Variants in MAP3K12 observed in about 807,000 individuals in gnomAD.
MAP3K12 encodes mitogen-activated protein kinase kinase kinase 12, also known as MAPK-upstream kinase.
In MAP3K12, 14 loss-of-function variants were observed where a neutral mutation model predicts 87.5. That is an observed-to-expected ratio of 0.16 (90% CI 0.11 to 0.25). The LOEUF (loss-of-function observed/expected upper bound fraction) is 0.25. MAP3K12 is among the 10% of genes least tolerant of loss of function. The pLI is 1.00. For missense variants in MAP3K12, 802 were observed against 1,140.4 expected, an observed-to-expected ratio of 0.70 and a Z score of 4.27; for synonymous variants, 469 against 452.5, an observed-to-expected ratio of 1.04 and a Z score of -0.46.
intron 11 of MAP3K12, 61 bp from the exon 12 acceptor site, chr12:53,482,430 CAGG>C (rs1254428365): frequency 1.3e-5 from 21 of 1,608,254 alleles, no homozygotes; most frequent in Non-Finnish European, 1.2e-5. Flanking sequence ...ACTAAGAATC[CAGG>C]AGAAGGGAAC....
chr12:53,482,461 A>AGTAGG, intron 11 of MAP3K12, 92 bp from the exon 12 acceptor site: 1 of 1,607,246 alleles, frequency 6.2e-7, no homozygotes, highest in Non-Finnish European at 8.5e-7. Context: ...CGAAGGGTGA[A>AGTAGG]GTAGGGAATG....
chr12:53,501,291 C>G (rs1242961505), upstream of MAP3K12: 5 of 1,146,940 alleles, frequency 4.4e-6, no homozygotes, highest in East Asian at 2.6e-5. Flanking sequence ...CCAGCGTGCC[C>G]CGCGGCGGGC....
In MAP3K12 at chr12:53,489,139, C is replaced by A. The variant is rs569356405; in HGVS notation, c.-37-1711G>T. The stretch of plus-strand genomic sequence containing the variant: ...CCTGGGCAACATGGCAAAACCCTGT[C>A]TCTACCAAAAATAGAAACAAACAAA... On this transcript the variant is annotated intron_variant, in intron 1 of 13. Coordinates refer to ENST00000547488, the MANE Select transcript of MAP3K12 (RefSeq NM_001193511.2). 5.3e-5 allele frequency among the ~76,000 whole-genome samples: 8 copies of A among 150,846 alleles called. No homozygotes were observed. In the South Asian group the frequency reaches 1.7e-3, roughly 32 times the overall value.
chr12:53,501,531 C>T, upstream of MAP3K12: 1 of 1,546,250 alleles, frequency 6.5e-7, no homozygotes, highest in African/African-American at 1.4e-5. Flanking sequence ...AGCGGCGCGG[C>T]CCCAGCATGC....
intron 7 of MAP3K12, 84 bp downstream of exon 7, chr12:53,484,173 A>G: frequency 7.1e-7 from 1 of 1,410,034 alleles, no homozygotes; most frequent in Non-Finnish European, 1.0e-6. Flanking sequence ...GTCCCACTCA[A>G]CCCATTTCCC....
chr12:53,487,360 G>A lies in MAP3K12; in HGVS notation c.32C>T (p.Ser11Phe). ...AGACACAAAGCCCCCAAAGGAAGGAGAGGGTGTTCGGGTCTCATGGAGGCA... is the reference window on the plus strand; with the variant it reads ...AGACACAAAGCCCCCAAAGGAAGGAAAGGGTGTTCGGGTCTCATGGAGGCA... Reference protein sequence around the residue: MACLHETRTPSPSFGGFVSTL... With the variant: MACLHETRTPFPSFGGFVSTL... Residue 11 changes from serine to phenylalanine, a missense_variant, in exon 2 of 14, where the codon TCT becomes TTT. Transcript: ENST00000547488. The A allele has an allele frequency of 6.2e-7, 1 of 1,613,658 alleles. No individual in the cohort carries two copies. The highest frequency in any genetic ancestry group is 8.5e-7 in the Non-Finnish European group (1 of 1,179,700).
Position 53,481,240 on chromosome 12 carries a change from T to A in MAP3K12, c.2621A>T (p.Glu874Val). Residue 874 changes from glutamate to valine, a missense_variant, in exon 14 of 14, where the codon GAA (glutamate) becomes GTA (valine). Physicochemically the swap from Glu to Val is moderately radical, Grantham distance 121. Coordinates refer to ENST00000547488, the MANE Select transcript of MAP3K12 (RefSeq NM_001193511.2). ...ATCAACGCTGTTGGAGTTGTCCAAT[T>A]CAGTGCTGTCACAGTCTGAGTCCTC... ...NSEDSDCDST[E>V]LDNSNSVDAL... 1 of 1,567,346 alleles carries A rather than the reference T, an allele frequency of 6.4e-7. No individual in the cohort carries two copies. Among genetic ancestry groups the A allele is most frequent in the Non-Finnish European group, 8.6e-7 (1 of 1,156,714 alleles).
rs2137193980 is a variant in MAP3K12, at chr12:53,485,987, G to A, written c.821+69C>T. On this transcript the variant is annotated intron_variant, in intron 4 of 13. Coordinates refer to ENST00000547488, the MANE Select transcript of MAP3K12 (RefSeq NM_001193511.2). ...GACCTAGGGCATGGTTTGGAAGCCG[G>A]GAGAAGGCCACACTGACTTGAGTGG... 39 of 1,463,820 alleles carry A rather than the reference G, an allele frequency of 2.7e-5. 3 individuals are homozygous for A. In the South Asian group the frequency reaches 5.0e-4, roughly 19 times the overall value. The allele number at this position is 1,463,820 out of a possible 1,614,324, so 90.7% of individuals were successfully genotyped here. A position where few individuals can be genotyped will look rare whatever the true frequency, so the allele number is the denominator to read the frequency against.
chr12:53,482,089 G>A lies in MAP3K12; in HGVS notation c.2432C>T (p.Thr811Ile). 2 of 1,614,190 alleles carry A rather than the reference G, an allele frequency of 1.2e-6. No individual in the cohort carries two copies. The highest frequency in any genetic ancestry group is 2.2e-5 in the East Asian group (1 of 44,876). The change falls in exon 13 of 14, where the codon ACC becomes ATC. Residue 811 changes from threonine to isoleucine, a missense_variant. This residue lies in a region of MAP3K12 where 490 missense variants were observed against 496.6 expected (regional missense o/e 0.99). Coordinates refer to ENST00000547488, the MANE Select transcript of MAP3K12 (RefSeq NM_001193511.2). ...CTCATCTGGCCGCTCATCAGTGTTG[G>A]TGCTGCCAACTTCAGGTGTGCCACT... ...SPSGTPEVGSTNTDERPDERS... is the reference protein window; with the variant it reads ...SPSGTPEVGSINTDERPDERS...
intron 1 of MAP3K12, among the ~76,000 whole-genome samples, chr12:53,497,244 A>G (rs1199486657): frequency 2.0e-5 from 3 of 152,214 alleles, no homozygotes; most frequent in Admixed American, 1.3e-4. Flanking sequence ...GCTCTCTATA[A>G]GCATTAGCCA....
rs979832644 is a variant in MAP3K12 at position 53,495,496 on chromosome 12, G to A, written c.-38+3931C>T. 6.0e-5 allele frequency among the ~76,000 whole-genome samples: 8 copies of A among 133,436 alleles called. No individual in the cohort carries two copies. The South Asian group carries it at 7.3e-4, about 12-fold the overall frequency. The allele number at this position is 133,436 out of a possible 152,430, so 87.5% of individuals were successfully genotyped here. A position where few individuals can be genotyped will look rare whatever the true frequency, so the allele number is the denominator to read the frequency against. Reference sequence around the variant, plus strand: ...GTAGTGGTGGGCGCACCTGTAGTCCGCCGCCACTGCACTCTAGCCTGGGCA... The same window carrying A: ...GTAGTGGTGGGCGCACCTGTAGTCCACCGCCACTGCACTCTAGCCTGGGCA... On this transcript the variant is annotated intron_variant, in intron 1 of 13. Transcript: ENST00000547488.
At chr12:53,485,282 C>A in intron 5 of MAP3K12, 35 bp downstream of exon 5, 1 of 1,605,900 alleles carries the variant, frequency 6.2e-7, no homozygotes, top group Admixed American at 1.7e-5. Flanking sequence ...CAGGGCTGGC[C>A]ACCCACTCTT....
intron 1 of MAP3K12, among the ~76,000 whole-genome samples, chr12:53,498,900 C>G (rs1001489907): frequency 7.4e-6 from 1 of 134,380 alleles, no homozygotes; most frequent in Non-Finnish European, 1.6e-5. Context: ...ATCTTCAGGT[C>G]CAGCCTGCTG....
At chr12:53,484,062 A>G in intron 7 of MAP3K12, 42 bp from the exon 8 acceptor site, 1 of 1,587,500 alleles carries the variant, frequency 6.3e-7, no homozygotes, top group African/African-American at 1.3e-5. Context: ...CCATCCCTTC[A>G]CCCAGTGAAA....
chr12:53,493,403 G>T (rs1197195138), intron 1 of MAP3K12, among the ~76,000 whole-genome samples: 1 of 152,134 alleles, frequency 6.6e-6, no homozygotes, highest in Non-Finnish European at 1.5e-5. Context: ...GGCAGGAGGG[G>T]ACTTGTGGGG....
chr12:53,483,797 T>G (rs1044196016), intron 8 of MAP3K12, 74 bp from the exon 9 acceptor site: 27 of 1,612,272 alleles, frequency 1.7e-5, no homozygotes, highest in Non-Finnish European at 2.2e-5. Flanking sequence ...GTCTCAGAAT[T>G]CCTGTCCACA....
At chr12:53,496,930 G>A (rs768794682) in intron 1 of MAP3K12, among the ~76,000 whole-genome samples, 9 of 152,036 alleles carry the variant, frequency 5.9e-5, no homozygotes, top group Non-Finnish European at 1.3e-4. Flanking sequence ...TGGGTGACCT[G>A]GCCTGAGACT....
intron 1 of MAP3K12, among the ~76,000 whole-genome samples, chr12:53,498,451 T>C (rs1389300547): frequency 6.6e-6 from 1 of 152,136 alleles, no homozygotes; most frequent in East Asian, 1.9e-4. Context: ...GCCACTCACC[T>C]ACGCTCCTCT....
chr12:53,483,739 A>C lies in MAP3K12; in HGVS notation c.1359-16T>G. On this transcript the variant is annotated splice_polypyrimidine_tract_variant and intron_variant, in intron 8 of 13. Coordinates refer to ENST00000547488, the MANE Select transcript of MAP3K12 (RefSeq NM_001193511.2). ...CAGGGCGTGTCTGCAACGGGCAGAA[A>C]GGTTCCCCAAGGTGAACTGGGTTCA... is the stretch of plus-strand genomic sequence containing the variant. 1 of 1,613,578 alleles carries C rather than the reference A, an allele frequency of 6.2e-7. No homozygotes were observed. The highest frequency in any genetic ancestry group is 1.1e-5 in the South Asian group (1 of 91,054).
Sources: allele counts gnomAD v4.1 joint callset (sites outside exome capture counted in the v4.1 genomes callset), GRCh38; gene constraint gnomAD v4.1.1; regional missense constraint gnomAD v4.1.1; transcripts MANE v1.5; gene names NCBI Gene and HGNC (gene_info 2026-07-23, HGNC 2026-07-21).